MSL2: variants seen among roughly 807,000 people sequenced by gnomAD.
MSL2 encodes the protein MSL complex subunit 2, also known as E3 ubiquitin-protein ligase MSL2.
In MSL2, 2 loss-of-function variants were observed where a neutral mutation model predicts 35.8. That is an observed-to-expected ratio of 0.06 (90% confidence interval 0.02 to 0.18). The LOEUF is 0.18. MSL2 is among the 10% of genes least tolerant of loss of function. MSL2 has a pLI of 1.00. For missense variants in MSL2, 523 were observed against 706.7 expected, an observed-to-expected ratio of 0.74 and a Z score of 2.95; for synonymous variants, 296 against 255.7, an observed-to-expected ratio of 1.16 and a Z score of -1.50.
chr3:136,152,364 T>C lies in MSL2; in HGVS notation c.517A>G (p.Ser173Gly), dbSNP rs372858708. The C allele has an allele frequency of 1.1e-5, 17 of 1,614,096 alleles. No individual in the cohort carries two copies. Among genetic ancestry groups the C allele is most frequent in the Non-Finnish European group, 1.0e-5 (12 of 1,180,052 alleles). Reference protein sequence around the residue: ...TSEPTTDPQASLSPMSESTLS... With the variant: ...TSEPTTDPQAGLSPMSESTLS... ...GTGCTTTCAGACATTGGAGATAAAC[T>C]AGCTTGAGGATCAGTTGTGGGTTCT... The change falls in exon 2 of 2, where the codon AGT (serine) becomes GGT (glycine). Residue 173 changes from serine to glycine, a missense_variant. Around this residue, in one of 5 missense-constraint regions of MSL2, gnomAD observed 361 missense variants for 414.6 expected, o/e 0.87. Transcript: ENST00000309993.
At chr3:136,161,613 C>T (rs1490034354) in intron 1 of MSL2, among the ~76,000 whole-genome samples, 1 of 152,152 alleles carries the variant, frequency 6.6e-6, no homozygotes, top group Non-Finnish European at 1.5e-5. Flanking sequence ...TACAAGAGTA[C>T]ATTATTGCAT....
intron 1 of MSL2, among the ~76,000 whole-genome samples, chr3:136,190,956 T>C (rs1349567383): frequency 2.0e-5 from 3 of 152,100 alleles, no homozygotes; most frequent in Admixed American, 1.3e-4. Flanking sequence ...TACAAAGCAA[T>C]TGAAAAACAA....
intron 1 of MSL2, among the ~76,000 whole-genome samples, chr3:136,192,450 A>AT (rs1367074410): frequency 3.3e-5 from 5 of 152,182 alleles, no homozygotes; most frequent in African/African-American, 1.2e-4. Context: ...AAGTGCTGGG[A>AT]TTACAGGCAC....
intron 1 of MSL2, chr3:136,156,121 A>G (rs186979960): frequency 3.9e-4 from 73 of 187,912 alleles, no homozygotes; most frequent in African/African-American, 1.7e-3. Flanking sequence ...GTATTTCTTG[A>G]TACATGTAAT....
intron 1 of MSL2, among the ~76,000 whole-genome samples, chr3:136,168,994 G>C (rs1470504421): frequency 6.6e-6 from 1 of 151,988 alleles, no homozygotes; most frequent in Non-Finnish European, 1.5e-5. Context: ...GCATTTTGTT[G>C]CCAGCCATAT....
chr3:136,152,727 G>C lies in MSL2; in HGVS notation c.154C>G (p.Gln52Glu). 1 of 1,613,790 alleles carries C rather than the reference G, an allele frequency of 6.2e-7. No homozygotes were observed. Among genetic ancestry groups the C allele is most frequent in the Non-Finnish European group, 8.5e-7 (1 of 1,179,732 alleles). The change falls in exon 2 of 2, where the codon CAA becomes GAA. Residue 52 changes from glutamine to glutamate, a missense_variant. Gln to Glu is a conservative substitution (Grantham distance 29). Around this residue, in one of 5 missense-constraint regions of MSL2, gnomAD observed 41 missense variants for 83.3 expected, o/e 0.49. Coordinates refer to ENST00000309993, the MANE Select transcript of MSL2 (RefSeq NM_018133.4). ...LSCCVCGHLL[Q>E]DPIAPTNSTC... ...GAGTTGGTGGGTGCAATAGGATCTT[G>C]TAGCAAATGTCCTAAGGGGGAGAAG...
At position 136,152,532 on chromosome 3, in the gene MSL2, G is replaced by A. The variant is rs1939403638; in HGVS notation, c.349C>T (p.Arg117Trp). 2 of 1,614,146 alleles carry A rather than the reference G, an allele frequency of 1.2e-6. No homozygotes were observed. Among genetic ancestry groups the A allele is most frequent in the Non-Finnish European group, 1.7e-6 (2 of 1,180,024 alleles). The change falls in exon 2 of 2, where the codon CGG (arginine) becomes TGG (tryptophan). Residue 117 changes from arginine (R) to tryptophan (W), a missense_variant. Physicochemically the swap from Arg to Trp is moderately radical, Grantham distance 101. Transcript: ENST00000309993. Reference sequence around the variant, plus strand: ...CAGTCAACTGCTTCTATTATATCCCGTGCCAGTGTAGTCTGTGTTATATAC... The same window carrying A: ...CAGTCAACTGCTTCTATTATATCCCATGCCAGTGTAGTCTGTGTTATATAC... ...CEYITQTTLA[R>W]DIIEAVDCSS...
At chr3:136,166,986 G>T (rs1939870634) in intron 1 of MSL2, among the ~76,000 whole-genome samples, 1 of 152,030 alleles carries the variant, frequency 6.6e-6, no homozygotes, top group South Asian at 2.1e-4. Context: ...CATTCTAACT[G>T]AAGTATTTAA....
chr3:136,182,168 C>T (rs886775405), intron 1 of MSL2, among the ~76,000 whole-genome samples: 4 of 152,240 alleles, frequency 2.6e-5, no homozygotes, highest in African/African-American at 7.2e-5. Flanking sequence ...AATAAGGAAG[C>T]CATTACACTC....
intron 1 of MSL2, among the ~76,000 whole-genome samples, chr3:136,171,305 G>T (rs1940020551): frequency 6.6e-6 from 1 of 152,106 alleles, no homozygotes; most frequent in African/African-American, 2.4e-5. Flanking sequence ...AGGAAGGAAG[G>T]AAGTGGCTGG....
At chr3:136,186,332 T>A (rs1559972267) in intron 1 of MSL2, among the ~76,000 whole-genome samples, 1 of 152,214 alleles carries the variant, frequency 6.6e-6, no homozygotes, top group Non-Finnish European at 1.5e-5. Context: ...GTCCTTGATA[T>A]AACACAACAT....
rs367906886 is a variant in MSL2 at position 136,186,269 on chromosome 3, T to C, written c.142+8703A>G. Among the ~76,000 whole-genome samples, 102 of 152,306 alleles carry C rather than the reference T, an allele frequency of 6.7e-4. 1 individual carries two copies. The highest frequency in any genetic ancestry group is 1.7e-3 in the African/African-American group (72 of 41,566). On this transcript the variant is annotated intron_variant, in intron 1 of 1. Coordinates refer to ENST00000309993, the MANE Select transcript of MSL2 (RefSeq NM_018133.4). ...TTGTATAACTGTCCCTAGATATCCA[T>C]GGGTGATTGGTTCAAGCATCTCGCT... is the stretch of plus-strand genomic sequence containing the variant.
chr3:136,180,811 AAGGAG>A (rs1186690189), intron 1 of MSL2, among the ~76,000 whole-genome samples: 11 of 114,538 alleles, frequency 9.6e-5, no homozygotes, highest in Non-Finnish European at 1.7e-4. Flanking sequence ...GGAGGGAGGG[AAGGAG>A]GGAAGGAAGG....
intron 1 of MSL2, among the ~76,000 whole-genome samples, chr3:136,154,595 C>G (rs1284081129): frequency 2.0e-5 from 3 of 151,988 alleles, no homozygotes; most frequent in Admixed American, 6.5e-5. Flanking sequence ...GAAAAATCCC[C>G]AAGTATCTGG....
chr3:136,166,708 A>C (rs1196631647), intron 1 of MSL2, among the ~76,000 whole-genome samples: 1 of 152,322 alleles, frequency 6.6e-6, no homozygotes, highest in African/African-American at 2.4e-5. Context: ...TAAAATAAAT[A>C]AACCGTAACT....
At chr3:136,180,177 A>T (rs1007193024) in intron 1 of MSL2, among the ~76,000 whole-genome samples, 6 of 152,226 alleles carry the variant, frequency 3.9e-5, no homozygotes, top group African/African-American at 1.4e-4. Context: ...CTGCCTATGT[A>T]CCCTGATATT....
chr3:136,157,300 A>AAGGCGGGCCGATCACCTGAG (rs1559958159), intron 1 of MSL2, among the ~76,000 whole-genome samples: 7 of 149,818 alleles, frequency 4.7e-5, no homozygotes, highest in Non-Finnish European at 8.9e-5. Context: ...TGAGGTCAGG[A>AAGGCGGGCCGATCACCTGAG]GTTCGACACC....
At chr3:136,185,589 T>C (rs558788041) in intron 1 of MSL2, among the ~76,000 whole-genome samples, 149 of 150,094 alleles carry the variant, frequency 9.9e-4, no homozygotes, top group African/African-American at 3.2e-3. Context: ...CAGGCTGGAG[T>C]GCAGTGGTGC....
intron 1 of MSL2, among the ~76,000 whole-genome samples, chr3:136,157,452 A>G (rs1032506849): frequency 6.6e-6 from 1 of 152,202 alleles, no homozygotes; most frequent in Non-Finnish European, 1.5e-5. Context: ...CAGTGAGCCA[A>G]GATAGTGCCA....
Sources: gnomAD v4.1 joint callset for allele counts (sites outside exome capture counted in the v4.1 genomes callset) on GRCh38, gnomAD v4.1.1 for gene constraint, gnomAD v4.1.1 regional missense constraint, MANE v1.5 for transcripts, NCBI Gene and HGNC (gene_info 2026-07-23, HGNC 2026-07-21) for gene names.